AEBP2: variants seen among roughly 807,000 people sequenced by gnomAD.
AEBP2 encodes the protein AE binding protein 2.
AEBP2 carries 10 observed loss-of-function variants against 50.8 expected under a neutral mutation model. That is an observed-to-expected ratio of 0.20 (90% confidence interval 0.12 to 0.33). AEBP2 has a LOEUF of 0.33. Ranked by LOEUF, AEBP2 falls within the 10% of genes least tolerant of loss-of-function variation. The pLI is 1.00. For missense variants in AEBP2, 570 were observed against 688.0 expected (o/e 0.83, Z 1.92); for synonymous variants, 296 against 261.3 (o/e 1.13, Z -1.28).
Position 19,518,257 on chromosome 12 carries a change from A to G in AEBP2, c.*140A>G. 3.4e-5 allele frequency: 45 copies of G among 1,335,222 alleles called. No homozygotes were observed. Among genetic ancestry groups the G allele is most frequent in the Non-Finnish European group, 4.2e-5 (44 of 1,046,788 alleles). 82.7% of individuals were successfully genotyped at this position (1,335,222 alleles called of 1,614,324 possible). A position where few individuals can be genotyped will look rare whatever the true frequency, so the allele number is the denominator to read the frequency against. The stretch of plus-strand genomic sequence containing the variant: ...TTTTTTTAAATCCAGTATTTAGGAT[A>G]ATATTTATGCTTAGTGTAAACATTC... On this transcript the variant is annotated 3_prime_UTR_variant, in exon 8 of 8. Coordinates refer to ENST00000266508, the MANE Select transcript of AEBP2 (RefSeq NM_153207.5).
At position 19,518,428 on chromosome 12, in the gene AEBP2, C is replaced by CT. The variant is rs1949351027; in HGVS notation, c.*314dup. ...TCTTAAAGGCTTTGCATGCTTGCTG[C>CT]TTTAAGCTGCTTTTTTTTTTCTTTT... On this transcript the variant is annotated 3_prime_UTR_variant, in exon 8 of 8. Coordinates refer to ENST00000266508, the MANE Select transcript of AEBP2 (RefSeq NM_153207.5). The CT allele has an allele frequency of 8.1e-7, 1 of 1,231,852 alleles. No individual in the cohort carries two copies. The highest frequency in any genetic ancestry group is 4.0e-5 in the Admixed American group (1 of 25,212). The allele number at this position is 1,231,852 out of a possible 1,614,324, so 76.3% of individuals were successfully genotyped here.
intron 3 of AEBP2, among the ~76,000 whole-genome samples, chr12:19,474,814 A>G (rs922468775): frequency 1.3e-5 from 2 of 151,128 alleles, no homozygotes; most frequent in African/African-American, 2.4e-5. Context: ...CCCCCTCAAG[A>G]TGGAGTCTTG....
chr12:19,513,481 G>C (rs1376398628), intron 6 of AEBP2, among the ~76,000 whole-genome samples: 1 of 152,134 alleles, frequency 6.6e-6, no homozygotes, highest in Non-Finnish European at 1.5e-5. Flanking sequence ...CCAATGGCTG[G>C]GCGCAGTGGT....
At position 19,519,982 on chromosome 12, in the gene AEBP2, GTTTTC is replaced by G. The variant is rs928521424; in HGVS notation, c.*1870_*1874del. The G allele has an allele frequency of 6.6e-6, 1 of 152,270 alleles. No individual in the cohort carries two copies. Among genetic ancestry groups the G allele is most frequent in the Non-Finnish European group, 1.5e-5 (1 of 67,874 alleles). The allele number at this position is 152,270 out of a possible 1,614,324, so 9.4% of individuals were successfully genotyped here. A position where few individuals can be genotyped will look rare whatever the true frequency, so the allele number is the denominator to read the frequency against. ...AAGCAGTGTGTTTTCTTTTTTTGTT[GTTTTC>G]TTTTGCTTAAGCACTTCATCAATTG... On this transcript the variant is annotated 3_prime_UTR_variant, in exon 8 of 8. Transcript: ENST00000266508.
intron 2 of AEBP2, among the ~76,000 whole-genome samples, chr12:19,467,672 G>T (rs544381899): frequency 6.6e-6 from 1 of 152,174 alleles, no homozygotes; most frequent in Non-Finnish European, 1.5e-5. Context: ...TCAAATCCCA[G>T]TGTCCTCTTA....
intron 3 of AEBP2, among the ~76,000 whole-genome samples, chr12:19,487,102 A>G (rs561567523): frequency 9.9e-5 from 15 of 152,236 alleles, no homozygotes; most frequent in South Asian, 2.1e-4. Flanking sequence ...GTCTTTGCCA[A>G]TTGTGTTCAT....
At chr12:19,481,082 G>C (rs7302938) in intron 3 of AEBP2, among the ~76,000 whole-genome samples, 115,846 of 137,964 alleles carry the variant, frequency 0.84, 48,793 homozygotes, top group African/African-American at 0.89. Flanking sequence ...TTGAAACTTT[G>C]CAGTGCATCC....
intron 4 of AEBP2, among the ~76,000 whole-genome samples, chr12:19,496,664 CTT>C (rs771598222): frequency 4.2e-5 from 6 of 142,910 alleles, no homozygotes; most frequent in Admixed American, 7.1e-5. Flanking sequence ...TTTTTTTAAC[CTT>C]TTTTTTTTTT....
chr12:19,507,419 G>T (rs887214522), intron 5 of AEBP2, among the ~76,000 whole-genome samples: 1 of 152,094 alleles, frequency 6.6e-6, no homozygotes, highest in Admixed American at 6.5e-5. Context: ...AAAAATAGTG[G>T]TAATAATATT....
intron 5 of AEBP2, chr12:19,509,224 GA>G: frequency 2.8e-6 from 1 of 358,192 alleles, no homozygotes. Context: ...TGTAAGTGTT[GA>G]AGGCACAAGC....
Position 19,520,458 on chromosome 12 carries a change from G to A in AEBP2, c.*2341G>A, listed in dbSNP as rs1188818727. 1 of 152,088 alleles carries A rather than the reference G, an allele frequency of 6.6e-6. No individual in the cohort carries two copies. The highest frequency in any genetic ancestry group is 1.5e-5 in the Non-Finnish European group (1 of 68,016). The allele number at this position is 152,088 out of a possible 1,614,324, so 9.4% of individuals were successfully genotyped here. The stretch of plus-strand genomic sequence containing the variant: ...ACTGTTAACACACCAAAAAGAATAT[G>A]GAATTGAAATGAGCTAGCTTTATAA... On this transcript the variant is annotated 3_prime_UTR_variant, in exon 8 of 8. Coordinates refer to ENST00000266508, the MANE Select transcript of AEBP2 (RefSeq NM_153207.5).
intron 5 of AEBP2, among the ~76,000 whole-genome samples, chr12:19,510,607 T>C (rs1949219407): frequency 6.6e-6 from 1 of 152,212 alleles, no homozygotes; most frequent in East Asian, 1.9e-4. Flanking sequence ...AATGAATGTT[T>C]AGTAATTTGT....
chr12:19,508,483 T>A (rs1446592581), intron 5 of AEBP2, among the ~76,000 whole-genome samples: 1 of 152,188 alleles, frequency 6.6e-6, no homozygotes, highest in Non-Finnish European at 1.5e-5. Context: ...GGAACTTGAT[T>A]AAAAAAATTG....
At chr12:19,459,319 C>T (rs2153369617) in intron 1 of AEBP2, among the ~76,000 whole-genome samples, 1 of 152,060 alleles carries the variant, frequency 6.6e-6, no homozygotes, top group South Asian at 2.1e-4. Flanking sequence ...GCAAGCTCTG[C>T]CTCCTGGGTT....
intron 3 of AEBP2, among the ~76,000 whole-genome samples, chr12:19,476,878 C>T (rs968571290): frequency 1.3e-5 from 2 of 152,100 alleles, no homozygotes; most frequent in Admixed American, 6.6e-5. Context: ...ATGGGAATTG[C>T]GTTGAATCTG....
chr12:19,441,947 A>G (rs546509594), intron 1 of AEBP2, among the ~76,000 whole-genome samples: 6 of 152,214 alleles, frequency 3.9e-5, no homozygotes, highest in African/African-American at 7.2e-5. Context: ...CATTCCCACA[A>G]CTATGGTGCA....
At chr12:19,494,667 A>G (rs1323578381) in intron 4 of AEBP2, among the ~76,000 whole-genome samples, 1 of 152,030 alleles carries the variant, frequency 6.6e-6, no homozygotes. Context: ...GGTGTGAGCC[A>G]CCACACCCAG....
chr12:19,435,005 A>G (rs1173117846), upstream of AEBP2, among the ~76,000 whole-genome samples: 1 of 152,056 alleles, frequency 6.6e-6, no homozygotes, highest in Non-Finnish European at 1.5e-5. Flanking sequence ...TTTTCCCTTA[A>G]TAAATCCTTC....
At chr12:19,423,013 C>T (rs896554554) in intron 1 of AEBP2, among the ~76,000 whole-genome samples, 36 of 120,082 alleles carry the variant, frequency 3.0e-4, no homozygotes, top group South Asian at 1.4e-3. Flanking sequence ...TGCAGTGAGC[C>T]GAGATTGTGC....
Sources: gnomAD v4.1 joint callset for allele counts (sites outside exome capture counted in the v4.1 genomes callset) on GRCh38, gnomAD v4.1.1 for gene constraint, MANE v1.5 for transcripts, NCBI Gene and HGNC (gene_info 2026-07-23, HGNC 2026-07-21) for gene names.